CRTC3: variants seen among roughly 807,000 people sequenced by gnomAD.
CRTC3 encodes CREB regulated transcription coactivator 3.
Under a neutral mutation model 74.5 loss-of-function variants are expected in CRTC3, and 26 were observed. That is an observed-to-expected ratio of 0.35 (90% CI 0.26 to 0.48). CRTC3 has a LOEUF of 0.48. Among genes scored for constraint, CRTC3 ranks in the 20% least tolerant of loss-of-function variants. CRTC3 has a pLI of 0.99. For synonymous variants in CRTC3, 377 were observed against 325.8 expected (o/e 1.16, Z -1.69); for missense variants, 760 against 787.3 (o/e 0.97, Z 0.41).
Position 90,641,888 on chromosome 15 carries a change from C to T in CRTC3, c.1652-44C>T, listed in dbSNP as rs199499338. On this transcript the variant is annotated intron_variant, in intron 14 of 14. Transcript: ENST00000268184. ...TTTGCTTAGTAGCCTGGAGCCTTCGCGCCTCCTAACCGCACTGTTTTCCCC... is the reference window on the plus strand; with the variant it reads ...TTTGCTTAGTAGCCTGGAGCCTTCGTGCCTCCTAACCGCACTGTTTTCCCC... 389 of 1,566,170 alleles carry T rather than the reference C, an allele frequency of 2.5e-4. 1 individual carries two copies. In the East Asian group the frequency reaches 4.0e-3, roughly 16 times the overall value.
At chr15:90,582,008 C>A (rs886981727) in intron 2 of CRTC3, among the ~76,000 whole-genome samples, 1 of 152,274 alleles carries the variant, frequency 6.6e-6, no homozygotes, top group African/African-American at 2.4e-5. Context: ...TCCAAGGGTG[C>A]CTTTGGCCAG....
intron 2 of CRTC3, among the ~76,000 whole-genome samples, chr15:90,542,025 C>T (rs1289746017): frequency 6.6e-6 from 1 of 151,930 alleles, no homozygotes; most frequent in Non-Finnish European, 1.5e-5. Context: ...CTCAAGTAAT[C>T]CACCCACCTT....
intron 2 of CRTC3, among the ~76,000 whole-genome samples, chr15:90,577,487 G>A (rs1163360292): frequency 6.6e-6 from 1 of 152,176 alleles, no homozygotes; most frequent in Non-Finnish European, 1.5e-5. Flanking sequence ...TTGGATTCAG[G>A]TTTAGAAATT....
chr15:90,576,395 G>T (rs991590769), intron 2 of CRTC3, among the ~76,000 whole-genome samples: 1 of 152,160 alleles, frequency 6.6e-6, no homozygotes. Context: ...GCCATTCCCA[G>T]CGATTTGAAA....
chr15:90,560,516 G>A (rs923448404), intron 2 of CRTC3, among the ~76,000 whole-genome samples: 1 of 152,194 alleles, frequency 6.6e-6, no homozygotes, highest in African/African-American at 2.4e-5. Flanking sequence ...CAGCATGATT[G>A]GGGCAGACGA....
intron 14 of CRTC3, 99 bp downstream of exon 14, chr15:90,641,298 A>T: frequency 1.2e-6 from 1 of 858,304 alleles, no homozygotes; most frequent in African/African-American, 1.7e-5. Context: ...TATATAAAGC[A>T]AAAAGTTAAC....
At chr15:90,634,642 C>T in intron 11 of CRTC3, 1 of 539,068 alleles carries the variant, frequency 1.9e-6, no homozygotes, top group South Asian at 2.1e-5. Context: ...GTGCTCTGCT[C>T]ATGTTTAAGA....
chr15:90,548,016 G>A (rs1966847571), intron 2 of CRTC3, among the ~76,000 whole-genome samples: 1 of 151,502 alleles, frequency 6.6e-6, no homozygotes, highest in Non-Finnish European at 1.5e-5. Context: ...AGCCCCCCAG[G>A]GTAGCAGGGA....
intron 2 of CRTC3, among the ~76,000 whole-genome samples, chr15:90,578,440 AC>A (rs1967458331): frequency 6.6e-6 from 1 of 151,870 alleles, no homozygotes; most frequent in Non-Finnish European, 1.5e-5. Flanking sequence ...CCAGCTACTA[AC>A]TACTCGGGAG....
rs140165563 is a variant in CRTC3 at position 90,644,700 on chromosome 15, A to T, written c.*2560A>T. The stretch of plus-strand genomic sequence containing the variant: ...AACCCACTCTGCCTAGAAGGTGTGG[A>T]GGACTCACCACGGGCAGGGTCGCCC... On this transcript the variant is annotated 3_prime_UTR_variant, in exon 15 of 15. Coordinates refer to ENST00000268184, the MANE Select transcript of CRTC3 (RefSeq NM_022769.5). The T allele has an allele frequency of 1.8e-3, 408 of 232,640 alleles. 4 individuals carry two copies. Among genetic ancestry groups the T allele is most frequent in the African/African-American group, 8.4e-3 (380 of 45,422 alleles). The allele number at this position is 232,640 out of a possible 1,614,324, so 14.4% of individuals were successfully genotyped here.
intron 1 of CRTC3, among the ~76,000 whole-genome samples, chr15:90,531,467 A>G (rs1966625832): frequency 6.6e-6 from 1 of 152,162 alleles, no homozygotes; most frequent in African/African-American, 2.4e-5. Flanking sequence ...TATACTCATG[A>G]TGGTGTTTTC....
chr15:90,582,327 G>T (rs1444663458), intron 2 of CRTC3, among the ~76,000 whole-genome samples: 1 of 152,186 alleles, frequency 6.6e-6, no homozygotes, highest in African/African-American at 2.4e-5. Context: ...TGGAGGCTTG[G>T]GTGGCGCTCT....
intron 2 of CRTC3, among the ~76,000 whole-genome samples, chr15:90,576,231 C>T (rs1473387767): frequency 6.6e-6 from 1 of 151,872 alleles, no homozygotes. Context: ...CAATGAGACT[C>T]CATCTCTAAA....
chr15:90,617,833 G>A (rs1469864332), intron 7 of CRTC3, 50 bp from the exon 8 acceptor site: 2 of 1,312,992 alleles, frequency 1.5e-6, no homozygotes, highest in African/African-American at 2.9e-5. Flanking sequence ...GCCCGGCCTG[G>A]ATTCCTGCCT....
rs763557265 is a variant in CRTC3, at chr15:90,642,028, A to G, written c.1748A>G (p.Glu583Gly). The G allele has an allele frequency of 6.2e-7, 1 of 1,613,820 alleles. No individual in the cohort carries two copies. The highest frequency in any genetic ancestry group is 8.5e-7 in the Non-Finnish European group (1 of 1,179,886). ...GTGGACACTCCATTTCCACTGGAAG[A>G]GGAGCTGCAGATTGAACCCCTGAGC... ...LNVDTPFPLEEELQIEPLSLD... is the reference protein window; with the variant it reads ...LNVDTPFPLEGELQIEPLSLD... The change falls in exon 15 of 15, where the codon GAG becomes GGG. Residue 583 changes from glutamate (E) to glycine (G), a missense_variant. Coordinates refer to ENST00000268184, the MANE Select transcript of CRTC3 (RefSeq NM_022769.5).
intron 3 of CRTC3, chr15:90,594,813 T>G (rs1022845701): frequency 6.6e-6 from 1 of 152,276 alleles, no homozygotes; most frequent in Non-Finnish European, 1.5e-5. Flanking sequence ...CAGCCTGTGC[T>G]CTCCCCTCCC....
intron 14 of CRTC3, among the ~76,000 whole-genome samples, chr15:90,641,472 C>T (rs1413774451): frequency 2.0e-5 from 3 of 151,832 alleles, no homozygotes; most frequent in Non-Finnish European, 2.9e-5. Context: ...CCGAGGTGGG[C>T]GGATCATCAG....
chr15:90,572,736 C>T (rs902870963), intron 2 of CRTC3, among the ~76,000 whole-genome samples: 1 of 152,090 alleles, frequency 6.6e-6, no homozygotes, highest in Non-Finnish European at 1.5e-5. Flanking sequence ...TCACCATACC[C>T]AGCTAATTTT....
intron 11 of CRTC3, among the ~76,000 whole-genome samples, chr15:90,633,233 ATCTATATGT>A (rs1969108617): frequency 6.8e-6 from 1 of 146,396 alleles, no homozygotes; most frequent in African/African-American, 2.8e-5. Context: ...TAGCCTGGTT[ATCTATATGT>A]ATCTATGTGT....
Sources: allele counts gnomAD v4.1 joint callset (sites outside exome capture counted in the v4.1 genomes callset), GRCh38; gene constraint gnomAD v4.1.1; transcripts MANE v1.5; gene names NCBI Gene and HGNC (gene_info 2026-07-23, HGNC 2026-07-21).